The following PRH1 variants were observed in gnomAD, a reference collection of about 807,000 sequenced individuals.
PRH1 encodes proline rich protein HaeIII subfamily 1, also known as salivary acidic proline-rich phosphoprotein 1/2.
In PRH1, 7 loss-of-function variants were observed where a neutral mutation model predicts 7.9. The observed-to-expected ratio is 0.89, with a 90% CI of 0.50 to 1.67. The LOEUF is 1.67. PRH1 is among the 40% of genes most tolerant of loss of function. PRH1 has a pLI of 0.00. For missense variants in PRH1, 109 were observed against 223.6 expected (o/e 0.49, Z 3.27); for synonymous variants, 45 against 80.8 (o/e 0.56, Z 2.38).
intron 2 of PRH1, among the ~76,000 whole-genome samples, chr12:10,892,732 C>A (rs981066693): frequency 3.3e-5 from 5 of 152,032 alleles, no homozygotes; most frequent in Admixed American, 3.3e-4. Context: ...TTCACAGTAC[C>A]CTATAAACAA....
intron 1 of PRH1, among the ~76,000 whole-genome samples, chr12:11,164,605 A>G (rs1206333739): frequency 6.6e-6 from 1 of 152,138 alleles, no homozygotes; most frequent in African/African-American, 2.4e-5. Context: ...GGATTCCTGA[A>G]AGTAACCCTC....
chr12:10,986,456 C>T (rs745520079), intron 1 of PRH1: 1 of 1,614,016 alleles, frequency 6.2e-7, no homozygotes, highest in Admixed American at 1.7e-5. Flanking sequence ...ATATCAAAGT[C>T]CCCAACAGTA....
chr12:11,058,420 A>G (rs1943451957), intron 1 of PRH1, among the ~76,000 whole-genome samples: 1 of 152,278 alleles, frequency 6.6e-6, no homozygotes, highest in South Asian at 2.1e-4. Context: ...TGTCAAAACA[A>G]TCTTTTTTAA....
rs553284874 is a variant in PRH1, at chr12:10,925,809, C to T, written c.-58-41534G>A. 5.9e-5 allele frequency among the ~76,000 whole-genome samples: 9 copies of T among 152,256 alleles called. No individual in the cohort carries two copies. The South Asian group carries it at 1.7e-3, about 28-fold the overall frequency. ...AATAATGAAATGAATAAATGAATAG[C>T]AAGTGAGTAGTGGTGCACACTAAAC... On this transcript the variant is annotated intron_variant, in intron 2 of 3. Transcript: ENST00000539853.
intron 1 of PRH1, chr12:11,030,946 C>T (rs1942174458): frequency 6.2e-7 from 1 of 1,614,266 alleles, no homozygotes; most frequent in Non-Finnish European, 8.5e-7. Context: ...ACAGCATCAC[C>T]AGAATGACAC....
intron 1 of PRH1, among the ~76,000 whole-genome samples, chr12:10,974,005 G>A (rs1938966348): frequency 6.6e-6 from 1 of 152,126 alleles, no homozygotes; most frequent in Non-Finnish European, 1.5e-5. Context: ...TCATTTCAAA[G>A]TTTGCTAAAA....
chr12:11,153,771 C>T (rs1016576800), intron 1 of PRH1, among the ~76,000 whole-genome samples: 1 of 152,008 alleles, frequency 6.6e-6, no homozygotes, highest in African/African-American at 2.4e-5. Flanking sequence ...AAATTCAGAC[C>T]AAAAGACTTG....
At chr12:11,081,028 T>C (rs116478152) in intron 1 of PRH1, among the ~76,000 whole-genome samples, 2,336 of 119,212 alleles carry the variant, frequency 0.02, 290 homozygotes, top group South Asian at 0.033. Context: ...TTACAAAAAA[T>C]ACATGGAGGC....
At chr12:10,905,734 T>TA (rs1057353098) in intron 2 of PRH1, among the ~76,000 whole-genome samples, 6 of 150,396 alleles carry the variant, frequency 4.0e-5, no homozygotes, top group Non-Finnish European at 7.4e-5. Context: ...ATGTAGCCAT[T>TA]AAAAAAAAAT....
chr12:11,149,618 G>A, intron 1 of PRH1, among the ~76,000 whole-genome samples: 1 of 145,616 alleles, frequency 6.9e-6, no homozygotes, highest in Non-Finnish European at 1.5e-5. Context: ...CTAGCCATAT[G>A]TAGAAAGCTG....
At chr12:11,080,502 G>A (rs115081383) in intron 1 of PRH1, among the ~76,000 whole-genome samples, 2,914 of 115,490 alleles carry the variant, frequency 0.025, 958 homozygotes, top group Non-Finnish European at 0.035. Flanking sequence ...AAATTACAGG[G>A]TCCTTGATAA....
intron 1 of PRH1, among the ~76,000 whole-genome samples, chr12:11,109,058 T>A (rs1374423558): frequency 6.6e-6 from 1 of 152,146 alleles, no homozygotes; most frequent in Non-Finnish European, 1.5e-5. Flanking sequence ...ACCAGGAAGT[T>A]CAAACTGGGT....
intron 1 of PRH1, among the ~76,000 whole-genome samples, chr12:11,096,360 C>G (rs1565650122): frequency 1.7e-5 from 2 of 114,496 alleles, no homozygotes; most frequent in African/African-American, 5.8e-5. Context: ...ATTGATGACC[C>G]TTTTTTTTGT....
chr12:11,083,304 T>TTAAGAAAGTGGAGGTA (rs2136236242), intron 1 of PRH1, among the ~76,000 whole-genome samples: 1 of 143,100 alleles, frequency 7.0e-6, no homozygotes, highest in South Asian at 2.1e-4. Flanking sequence ...AAGAATAACA[T>TTAAGAAAGTGGAGGTA]TAAGAAAGTG....
At chr12:10,935,737 T>C (rs1950277857) in intron 2 of PRH1, among the ~76,000 whole-genome samples, 1 of 152,194 alleles carries the variant, frequency 6.6e-6, no homozygotes, top group Non-Finnish European at 1.5e-5. Context: ...TCCCAATATA[T>C]TCTTATTTCT....
intron 2 of PRH1, among the ~76,000 whole-genome samples, chr12:10,942,944 T>C (rs1230456702): frequency 6.6e-6 from 1 of 152,190 alleles, no homozygotes; most frequent in East Asian, 1.9e-4. Context: ...GGTAAGGTTG[T>C]AATCTTTTCC....
intron 1 of PRH1, among the ~76,000 whole-genome samples, chr12:11,068,345 AT>A (rs1435718797): frequency 6.6e-6 from 1 of 152,172 alleles, no homozygotes; most frequent in Non-Finnish European, 1.5e-5. Context: ...TACTGAATGT[AT>A]TTTTCCATCT....
chr12:11,059,681 T>TATCACTATA (rs1943506075), intron 1 of PRH1, among the ~76,000 whole-genome samples: 3 of 149,010 alleles, frequency 2.0e-5, no homozygotes, highest in Non-Finnish European at 3.0e-5. Context: ...CAAGACTATA[T>TATCACTATA]TATTGTCATA....
chr12:11,118,871 T>C (rs187908365), downstream of PRH1, among the ~76,000 whole-genome samples: 174 of 151,996 alleles, frequency 1.1e-3, 3 homozygotes, highest in East Asian at 0.033. Flanking sequence ...GGCTGGCGCC[T>C]GTAGTCCCAG....
Sources: allele counts gnomAD v4.1 joint callset (sites outside exome capture counted in the v4.1 genomes callset), GRCh38; gene constraint gnomAD v4.1.1; transcripts MANE v1.5; gene names NCBI Gene and HGNC (gene_info 2026-07-23, HGNC 2026-07-21).